The following MARCO variants were observed in gnomAD, a reference collection of about 807,000 sequenced individuals.
MARCO encodes macrophage receptor MARCO.
A neutral mutation model predicts 70.0 loss-of-function variants in MARCO; 72 were observed. The observed-to-expected ratio is 1.03, with a 90% CI of 0.85 to 1.25. MARCO has a LOEUF of 1.25. Ranked by LOEUF, MARCO falls within the 50% of genes most tolerant of loss-of-function variation. The pLI, the probability that MARCO is intolerant of heterozygous loss-of-function variation, is 0.00. For synonymous variants in MARCO, 273 were observed against 243.1 expected, an observed-to-expected ratio of 1.12 and a Z score of -1.14; for missense variants, 696 against 659.3, an observed-to-expected ratio of 1.06 and a Z score of -0.61.
intron 12 of MARCO, among the ~76,000 whole-genome samples, chr2:118,986,645 GA>G (rs1283035510): frequency 5.1e-4 from 23 of 44,976 alleles, no homozygotes; most frequent in African/African-American, 1.8e-3. Flanking sequence ...AAGAAAGAAA[GA>G]AAGAAAGAAG....
chr2:118,970,283 C>A lies in MARCO; in HGVS notation c.369C>A (p.Val123=). ...LQVLQAQLTW[V]RVSHEHLLQR... is the part of the protein sequence containing the mutation. Reference sequence around the variant, plus strand: ...TCCTGCAGGCCCAACTCACCTGGGTCCGCGTCAGCCATGAGCACTTGCTGC... The same window carrying A: ...TCCTGCAGGCCCAACTCACCTGGGTACGCGTCAGCCATGAGCACTTGCTGC... Residue 123 remains valine (V), a synonymous_variant, in exon 3 of 17, where the codon GTC becomes GTA. Coordinates refer to ENST00000327097, the MANE Select transcript of MARCO (RefSeq NM_006770.4). 1 of 1,614,072 alleles carries A rather than the reference C, an allele frequency of 6.2e-7. No homozygotes were observed. The highest frequency in any genetic ancestry group is 8.5e-7 in the Non-Finnish European group (1 of 1,180,028).
At chr2:118,947,786 G>A (rs545368162) in intron 1 of MARCO, among the ~76,000 whole-genome samples, 1 of 152,206 alleles carries the variant, frequency 6.6e-6, no homozygotes, top group East Asian at 1.9e-4. Flanking sequence ...TCAAATTTTA[G>A]TCTTCTTTTC....
rs1680631245 is a variant in MARCO, at chr2:118,992,015, T to C, written c.1207+140T>C. The C allele has an allele frequency of 1.6e-5, 11 of 688,624 alleles. No individual in the cohort carries two copies. In the South Asian group the frequency reaches 2.1e-4, roughly 13 times the overall value. 42.7% of individuals were successfully genotyped at this position (688,624 alleles called of 1,614,324 possible). The stretch of plus-strand genomic sequence containing the variant: ...GAGGGTAGAGGTTTATTTCCTTGAT[T>C]GACAAGTCTTGTGCTGGGGCTTGCC... On this transcript the variant is annotated intron_variant, in intron 14 of 16. Transcript: ENST00000327097.
Position 118,969,278 on chromosome 2 carries a change from C to T in MARCO, c.199+17C>T, listed in dbSNP as rs1372707651. On this transcript the variant is annotated intron_variant, in intron 2 of 16. Transcript: ENST00000327097. ...TGGTCCAAGGTAAAGCAGGCTTGGT[C>T]CTGTGTAGTCCCTCCTGGGGGGAGA... 3 of 1,605,310 alleles carry T rather than the reference C, an allele frequency of 1.9e-6. No individual in the cohort carries two copies. The highest frequency in any genetic ancestry group is 2.2e-5 in the South Asian group (2 of 90,878).
At chr2:118,944,303 T>C (rs1679555797) in intron 1 of MARCO, among the ~76,000 whole-genome samples, 1 of 152,176 alleles carries the variant, frequency 6.6e-6, no homozygotes, top group South Asian at 2.1e-4. Context: ...AAGAAACATT[T>C]TCTTATATGC....
At position 118,974,529 on chromosome 2, in the gene MARCO, G is replaced by A; in HGVS notation, c.577G>A (p.Gly193Arg). 6.2e-7 allele frequency: 1 copy of A among 1,613,878 alleles called. No homozygotes were observed. Among genetic ancestry groups the A allele is most frequent in the Non-Finnish European group, 8.5e-7 (1 of 1,179,970 alleles). Residue 193 changes from glycine (G) to arginine (R), a missense_variant, in exon 6 of 17, where the codon GGA becomes AGA. This residue lies in a region of MARCO where 605 missense variants were observed against 537.6 expected (regional missense o/e 1.13). Transcript: ENST00000327097. ...MGRDGATGPS[G>R]PQGPPGVKGE... ...TTCCCTTTCCCTTCCAGGCCCCTCG[G>A]GACCCCAAGGCCCACCGGGAGTCAA...
rs531781980 is a variant in MARCO at position 118,985,311 on chromosome 2, C to T, written c.1063+2901C>T. On this transcript the variant is annotated intron_variant, in intron 12 of 16. Coordinates refer to ENST00000327097, the MANE Select transcript of MARCO (RefSeq NM_006770.4). ...ATCGGTTACCTTCACCCTGTCCCCA[C>T]CCCAGCCACACCTCCCACTCCTCCA... Among the ~76,000 whole-genome samples, 21 of 152,212 alleles carry T rather than the reference C, an allele frequency of 1.4e-4. No individual in the cohort carries two copies. The South Asian group carries it at 4.2e-3, about 30-fold the overall frequency.
Position 118,981,627 on chromosome 2 carries a change from C to T in MARCO, c.872C>T (p.Ala291Val). The change falls in exon 10 of 17, where the codon GCT (alanine) becomes GTT (valine). Residue 291 changes from alanine (A) to valine (V), a missense_variant. Ala to Val is a moderately conservative substitution (Grantham distance 64). Around this residue, in one of 3 missense-constraint regions of MARCO, gnomAD observed 605 missense variants for 537.6 expected, o/e 1.13. Coordinates refer to ENST00000327097, the MANE Select transcript of MARCO (RefSeq NM_006770.4). Reference sequence around the variant, plus strand: ...AAGTTCTTTTTCATCTTAGGTTTGGCTGGTTTTCCTGGAGCTAAAGGAGAT... The same window carrying T: ...AAGTTCTTTTTCATCTTAGGTTTGGTTGGTTTTCCTGGAGCTAAAGGAGAT... ...DFGRPGPPGL[A>V]GFPGAKGDQG... is the part of the protein sequence containing the mutation. The T allele has an allele frequency of 6.2e-7, 1 of 1,612,670 alleles. No homozygotes were observed. Among genetic ancestry groups the T allele is most frequent in the Non-Finnish European group, 8.5e-7 (1 of 1,179,732 alleles).
chr2:118,976,017 G>A (rs879304246), intron 6 of MARCO, among the ~76,000 whole-genome samples: 1 of 152,118 alleles, frequency 6.6e-6, no homozygotes, highest in African/African-American at 2.4e-5. Flanking sequence ...GAGAGAGAGG[G>A]ACTCAGGCTA....
chr2:118,986,641 GAA>G (rs1558671543), intron 12 of MARCO, among the ~76,000 whole-genome samples: 2 of 42,672 alleles, frequency 4.7e-5, no homozygotes, highest in Admixed American at 4.5e-4. Flanking sequence ...AAGAAAGAAA[GAA>G]AGAAAGAAAG....
At chr2:118,975,138 T>C (rs17009853) in intron 6 of MARCO, among the ~76,000 whole-genome samples, 1,872 of 152,282 alleles carry the variant, frequency 0.012, 94 homozygotes, top group South Asian at 0.12. Flanking sequence ...AGCCATCTTA[T>C]TAATATAAAT....
chr2:118,966,984 C>G (rs1680063909), intron 1 of MARCO, among the ~76,000 whole-genome samples: 2 of 152,198 alleles, frequency 1.3e-5, no homozygotes, highest in African/African-American at 4.8e-5. Flanking sequence ...GTTCAGCACC[C>G]AAACCTCTGT....
chr2:118,975,703 C>T (rs1356457742), intron 6 of MARCO, among the ~76,000 whole-genome samples: 1 of 152,178 alleles, frequency 6.6e-6, no homozygotes, highest in East Asian at 1.9e-4. Flanking sequence ...CTCACTCACG[C>T]ACCAATGTAA....
intron 1 of MARCO, among the ~76,000 whole-genome samples, chr2:118,968,611 C>T (rs558165966): frequency 6.6e-6 from 1 of 152,062 alleles, no homozygotes; most frequent in Non-Finnish European, 1.5e-5. Context: ...CCTTGTCATG[C>T]CCTGTACATT....
intron 8 of MARCO, among the ~76,000 whole-genome samples, chr2:118,979,724 C>A: frequency 6.6e-6 from 1 of 152,188 alleles, no homozygotes; most frequent in East Asian, 1.9e-4. Context: ...CAGGCCCACC[C>A]CTCCTCTTCC....
intron 12 of MARCO, among the ~76,000 whole-genome samples, chr2:118,983,767 G>T (rs1172837909): frequency 6.6e-6 from 1 of 152,030 alleles, no homozygotes; most frequent in Admixed American, 6.5e-5. Context: ...GGAGATGATT[G>T]CTTTCATCTC....
At position 118,942,340 on chromosome 2, in the gene MARCO, A is replaced by G; in HGVS notation, c.40A>G (p.Ser14Gly). The part of the protein sequence containing the change: ...KKILKEDELL[S>G]ETQQAAFHQI... Reference sequence around the variant, plus strand: ...AATTCTCAAGGAGGACGAGCTCTTGAGTGAGACCCAACAAGCTGCTTTTCA... The same window carrying G: ...AATTCTCAAGGAGGACGAGCTCTTGGGTGAGACCCAACAAGCTGCTTTTCA... The change falls in exon 1 of 17, where the codon AGT becomes GGT. Residue 14 changes from serine to glycine, a missense_variant. Ser to Gly is a moderately conservative substitution (Grantham distance 56, BLOSUM62 0). Transcript: ENST00000327097. 1 of 1,613,902 alleles carries G rather than the reference A, an allele frequency of 6.2e-7. No homozygotes were observed. The highest frequency in any genetic ancestry group is 8.5e-7 in the Non-Finnish European group (1 of 1,179,840).
At chr2:118,959,491 G>T (rs115849992) in intron 1 of MARCO, among the ~76,000 whole-genome samples, 2,618 of 152,246 alleles carry the variant, frequency 0.017, 35 homozygotes, top group Middle Eastern at 0.034. Context: ...AACCACAGAT[G>T]TTGGCATGGA....
Position 118,974,460 on chromosome 2 carries a change from G to A in MARCO, c.568+20G>A. ...CAACAGGTACGGGTCTTTTTCTTCT[G>A]ACCCTTAATCATTTTCCTCCTCCTT... is the stretch of plus-strand genomic sequence containing the variant. On this transcript the variant is annotated intron_variant, in intron 5 of 16. Transcript: ENST00000327097. 1 of 1,612,278 alleles carries A rather than the reference G, an allele frequency of 6.2e-7. No individual in the cohort carries two copies. The highest frequency in any genetic ancestry group is 8.5e-7 in the Non-Finnish European group (1 of 1,178,990).
Sources: gnomAD v4.1 joint callset for allele counts (sites outside exome capture counted in the v4.1 genomes callset) on GRCh38, gnomAD v4.1.1 for gene constraint, gnomAD v4.1.1 regional missense constraint, MANE v1.5 for transcripts, NCBI Gene and HGNC (gene_info 2026-07-23, HGNC 2026-07-21) for gene names.